The following APAF1 variants were observed in gnomAD, a reference collection of about 807,000 sequenced individuals.
The protein encoded by APAF1 is apoptotic peptidase activating factor 1.
A neutral mutation model predicts 152.4 loss-of-function variants in APAF1; 91 were observed. The ratio of observed to expected loss-of-function variants is 0.60; its 90% CI spans 0.50 to 0.71. The LOEUF is 0.71. Among genes scored for constraint, APAF1 ranks in the 30% least tolerant of loss-of-function variants. The pLI, the probability that APAF1 is intolerant of heterozygous loss-of-function variation, is 0.00. For synonymous variants in APAF1, 484 were observed against 494.1 expected (o/e 0.98, Z 0.27); for missense variants, 1,283 against 1,472.0 (o/e 0.87, Z 2.10).
At chr12:98,725,607 G>A in intron 25 of APAF1, 67 bp downstream of exon 25, 1 of 1,605,532 alleles carries the variant, frequency 6.2e-7, no homozygotes, top group South Asian at 1.1e-5. Flanking sequence ...TTCACAGTGG[G>A]GACCTTTGTT....
intron 22 of APAF1, among the ~76,000 whole-genome samples, chr12:98,721,890 C>G (rs12368428): frequency 0.18 from 27,619 of 152,116 alleles, 2,642 homozygotes; most frequent in Non-Finnish European, 0.2. Context: ...TTAGCATTGG[C>G]CAATAAAAAG....
intron 9 of APAF1, among the ~76,000 whole-genome samples, chr12:98,667,214 A>G (rs1174707104): frequency 6.6e-6 from 1 of 151,552 alleles, no homozygotes; most frequent in African/African-American, 2.4e-5. Flanking sequence ...CTGAGTAGCT[A>G]ATTCCCGAGT....
chr12:98,683,055 A>G (rs1239791256), intron 14 of APAF1, 88 bp from the exon 15 acceptor site: 2 of 1,015,512 alleles, frequency 2.0e-6, no homozygotes, highest in Non-Finnish European at 3.0e-6. Context: ...ATAAGATAGC[A>G]TTTGCAAAGC....
rs1369939464 is a variant in APAF1, at chr12:98,665,687, C to G, written c.1090C>G (p.Leu364Val). The G allele has an allele frequency of 5.0e-6, 8 of 1,613,808 alleles. No individual in the cohort carries two copies. The highest frequency in any genetic ancestry group is 4.4e-5 in the South Asian group (4 of 91,058). The change falls in exon 8 of 27, where the codon CTA becomes GTA. Residue 364 changes from leucine (L) to valine (V), a missense_variant. Leu to Val is a conservative substitution (Grantham distance 32). Coordinates refer to ENST00000551964, the MANE Select transcript of APAF1 (RefSeq NM_181861.2). ...RKSSSYDYEA[L>V]DEAMSISVEM... is the part of the protein sequence containing the mutation. Reference sequence around the variant, plus strand: ...ATCTTCGTCTTATGATTATGAGGCTCTAGATGAAGCCATGTCTATAAGTGT... The same window carrying G: ...ATCTTCGTCTTATGATTATGAGGCTGTAGATGAAGCCATGTCTATAAGTGT...
intron 12 of APAF1, among the ~76,000 whole-genome samples, chr12:98,673,498 C>T: frequency 6.6e-6 from 1 of 151,152 alleles, no homozygotes; most frequent in East Asian, 1.9e-4. Context: ...ATTTTGCATG[C>T]TCTTTCCATA....
rs190055784 is a variant in APAF1 at position 98,669,734 on chromosome 12, T to C, written c.1495-1239T>C. On this transcript the variant is annotated intron_variant, in intron 10 of 26. Transcript: ENST00000551964. ...TTATAAGTGGAATTTCTGGGTCAAATAGTATGTGCAGTTTAAATTTTAATA... is the reference window on the plus strand; with the variant it reads ...TTATAAGTGGAATTTCTGGGTCAAACAGTATGTGCAGTTTAAATTTTAATA... Among the ~76,000 whole-genome samples, 187 of 152,302 alleles carry C rather than the reference T, an allele frequency of 1.2e-3. 2 individuals are homozygous for C. Among genetic ancestry groups the C allele is most frequent in the African/African-American group, 4.2e-3 (174 of 41,572 alleles).
chr12:98,653,811 G>A (rs2097652952), intron 4 of APAF1, among the ~76,000 whole-genome samples: 1 of 145,244 alleles, frequency 6.9e-6, no homozygotes, highest in Admixed American at 7.0e-5. Flanking sequence ...TATTTGTAGG[G>A]AAATAGTAAA....
chr12:98,648,557 A>T (rs781059713), intron 2 of APAF1, 60 bp downstream of exon 2: 100 of 1,607,920 alleles, frequency 6.2e-5, no homozygotes, highest in Non-Finnish European at 8.4e-5. Context: ...CAGAACTTGT[A>T]CTGGTCTCCA....
chr12:98,695,176 C>T (rs903743803), intron 16 of APAF1, among the ~76,000 whole-genome samples: 1 of 151,952 alleles, frequency 6.6e-6, no homozygotes, highest in African/African-American at 2.4e-5. Flanking sequence ...CCTCAGCCTC[C>T]CAAGTAGCTG....
intron 12 of APAF1, among the ~76,000 whole-genome samples, chr12:98,672,272 C>G (rs568353259): frequency 2.4e-3 from 358 of 152,206 alleles, no homozygotes; most frequent in African/African-American, 7.9e-3. Context: ...TCAAACGATT[C>G]TCCTGCCTCA....
chr12:98,662,339 A>G, intron 5 of APAF1, 117 bp from the exon 6 acceptor site: 2 of 734,676 alleles, frequency 2.7e-6, no homozygotes, highest in Non-Finnish European at 4.7e-6. Flanking sequence ...CTAGCCATCT[A>G]TTTGTTTTAA....
intron 15 of APAF1, 22 bp from the exon 16 acceptor site, chr12:98,686,726 T>C (rs1320661743): frequency 6.2e-7 from 1 of 1,609,426 alleles, no homozygotes; most frequent in Non-Finnish European, 8.5e-7. Flanking sequence ...TGTTTATTTA[T>C]CTTTTTTTCT....
intron 16 of APAF1, among the ~76,000 whole-genome samples, chr12:98,697,271 A>G (rs927289209): frequency 2.0e-5 from 3 of 152,172 alleles, no homozygotes; most frequent in Non-Finnish European, 4.4e-5. Flanking sequence ...CTCAGCTTGA[A>G]TATAGCCTCC....
Position 98,662,802 on chromosome 12 carries a change from T to C in APAF1, c.951T>C (p.Cys317=), listed in dbSNP as rs747979101. Residue 317 remains cysteine (C), a synonymous_variant, in exon 7 of 27, where the codon TGT becomes TGC. Coordinates refer to ENST00000551964, the MANE Select transcript of APAF1 (RefSeq NM_181861.2). ...AAGCTCATAGTATTATAAAAGAATG[T>C]AAAGGTATGGTTATTTATTTGTTTA... ...PEQAHSIIKE[C]KGSPLVVSLI... The C allele has an allele frequency of 1.9e-6, 3 of 1,608,480 alleles. No homozygotes were observed. Among genetic ancestry groups the C allele is most frequent in the African/African-American group, 1.3e-5 (1 of 74,908 alleles).
chr12:98,725,160 C>T (rs888879698), intron 24 of APAF1, among the ~76,000 whole-genome samples: 2 of 152,174 alleles, frequency 1.3e-5, no homozygotes, highest in South Asian at 4.1e-4. Flanking sequence ...TTAGCTGATT[C>T]AGTGTTCTTC....
chr12:98,670,938 A>G (rs763499299), intron 10 of APAF1, 35 bp from the exon 11 acceptor site: 3 of 1,378,244 alleles, frequency 2.2e-6, no homozygotes, highest in African/African-American at 1.4e-5. Flanking sequence ...TTGATCTCTA[A>G]CAGTGCTGCT....
rs571739195 is a variant in APAF1 at position 98,677,292 on chromosome 12, T to C, written c.1794-133T>C. 117 of 881,664 alleles carry C rather than the reference T, an allele frequency of 1.3e-4. 1 individual carries two copies. The South Asian group carries it at 1.8e-3, about 14-fold the overall frequency. 54.6% of individuals were successfully genotyped at this position (881,664 alleles called of 1,614,324 possible). On this transcript the variant is annotated intron_variant, in intron 12 of 26. Coordinates refer to ENST00000551964, the MANE Select transcript of APAF1 (RefSeq NM_181861.2). ...ATCTGTGCTGTCATTTGCATGTTAG[T>C]AATCTGATTTTAAGAATTTTGTATT...
intron 14 of APAF1, among the ~76,000 whole-genome samples, chr12:98,682,206 A>C (rs1447030575): frequency 6.6e-6 from 1 of 151,942 alleles, no homozygotes; most frequent in African/African-American, 2.4e-5. Context: ...GGCGGCCGCC[A>C]CCGCGCCTGG....
intron 16 of APAF1, among the ~76,000 whole-genome samples, chr12:98,698,000 T>A (rs145431122): frequency 1.8e-3 from 273 of 152,292 alleles, no homozygotes; most frequent in African/African-American, 6.0e-3. Context: ...CTGGATACAG[T>A]GTAGCGACTT....
Sources: gnomAD v4.1 joint callset for allele counts (sites outside exome capture counted in the v4.1 genomes callset) on GRCh38, gnomAD v4.1.1 for gene constraint, MANE v1.5 for transcripts, NCBI Gene and HGNC (gene_info 2026-07-23, HGNC 2026-07-21) for gene names.